The following TRAF3IP1 variants were observed in gnomAD, a reference collection of about 807,000 sequenced individuals.
The protein encoded by TRAF3IP1 is TRAF3-interacting protein 1.
TRAF3IP1 carries 53 observed loss-of-function variants against 89.9 expected under a neutral mutation model. The observed-to-expected ratio is 0.59, with a 90% CI of 0.47 to 0.74. TRAF3IP1 has a LOEUF of 0.74. Ranked by LOEUF, TRAF3IP1 falls within the 30% of genes least tolerant of loss-of-function variation. The pLI is 0.00. For synonymous variants in TRAF3IP1, 311 were observed against 322.1 expected, an observed-to-expected ratio of 0.97 and a Z score of 0.37; for missense variants, 806 against 866.1, an observed-to-expected ratio of 0.93 and a Z score of 0.87.
intron 8 of TRAF3IP1, among the ~76,000 whole-genome samples, chr2:238,343,079 A>G (rs539377439): frequency 1.4e-4 from 20 of 147,440 alleles, no homozygotes; most frequent in African/African-American, 4.9e-4. Flanking sequence ...CTAGCCCCTC[A>G]TCTGGGCCCC....
At chr2:238,381,141 A>ATTTTTTTTTTTTTTTTT in intron 15 of TRAF3IP1, among the ~76,000 whole-genome samples, 1 of 133,094 alleles carries the variant, frequency 7.5e-6, no homozygotes, top group Non-Finnish European at 1.6e-5. Flanking sequence ...TTATTTATTT[A>ATTTTTTTTTTTTTTTTT]TTTTTTTTTT....
intron 15 of TRAF3IP1, among the ~76,000 whole-genome samples, chr2:238,383,598 A>G (rs1448553086): frequency 6.6e-6 from 1 of 152,096 alleles, no homozygotes; most frequent in African/African-American, 2.4e-5. Flanking sequence ...ATTTTTTAGC[A>G]CCTCTCTAAC....
At chr2:238,385,324 C>G (rs558877000) in intron 15 of TRAF3IP1, among the ~76,000 whole-genome samples, 2 of 152,140 alleles carry the variant, frequency 1.3e-5, no homozygotes, top group African/African-American at 4.8e-5. Context: ...CCTGTAGCAT[C>G]GTTTAAGTGT....
At chr2:238,385,507 A>G (rs992827784) in intron 15 of TRAF3IP1, among the ~76,000 whole-genome samples, 2 of 152,236 alleles carry the variant, frequency 1.3e-5, no homozygotes, top group Non-Finnish European at 2.9e-5. Flanking sequence ...AGAGAGAGAA[A>G]ACACCTGTGT....
At chr2:238,347,858 C>T (rs977608995) in intron 10 of TRAF3IP1, among the ~76,000 whole-genome samples, 6 of 152,242 alleles carry the variant, frequency 3.9e-5, no homozygotes, top group South Asian at 2.1e-4. Flanking sequence ...AACTCCTGAC[C>T]TCAGGTGATC....
chr2:238,334,211 G>A (rs541597131), intron 7 of TRAF3IP1, among the ~76,000 whole-genome samples, 176 bp downstream of exon 7: 10 of 152,092 alleles, frequency 6.6e-5, no homozygotes, highest in South Asian at 2.1e-4. Flanking sequence ...ATACACATGC[G>A]TGTGTGCACA....
chr2:238,398,341 G>T (rs1205371465), intron 16 of TRAF3IP1, among the ~76,000 whole-genome samples: 2 of 146,700 alleles, frequency 1.4e-5, no homozygotes, highest in Non-Finnish European at 3.0e-5. Flanking sequence ...GGGTGGGGCA[G>T]GAGGGTAATG....
At chr2:238,359,600 C>T (rs575364274) in intron 15 of TRAF3IP1, among the ~76,000 whole-genome samples, 29 of 151,938 alleles carry the variant, frequency 1.9e-4, no homozygotes, top group African/African-American at 7.0e-4. Flanking sequence ...TATGGATATA[C>T]CACAGTGTGT....
intron 9 of TRAF3IP1, chr2:238,347,252 T>A: frequency 3.4e-6 from 2 of 585,092 alleles, no homozygotes; most frequent in South Asian, 4.2e-5. Context: ...CACAGTTTGT[T>A]TGCTCTTTGT....
chr2:238,381,102 G>A (rs1198041497), intron 15 of TRAF3IP1, among the ~76,000 whole-genome samples: 5 of 146,762 alleles, frequency 3.4e-5, no homozygotes, highest in South Asian at 4.4e-4. Context: ...ATTTGGGTAG[G>A]ATGCTTGGGT....
chr2:238,368,054 G>A (rs1157383459), intron 15 of TRAF3IP1, among the ~76,000 whole-genome samples: 3 of 150,588 alleles, frequency 2.0e-5, no homozygotes, highest in Non-Finnish European at 4.4e-5. Flanking sequence ...ATATTCACTT[G>A]TGCTTACTGT....
Position 238,338,395 on chromosome 2 carries a change from T to C in TRAF3IP1, c.1097T>C (p.Leu366Ser), listed in dbSNP as rs2106377234. The change falls in exon 8 of 17, where the codon TTA (leucine) becomes TCA (serine). Residue 366 changes from leucine to serine, a missense_variant. Coordinates refer to ENST00000373327, the MANE Select transcript of TRAF3IP1 (RefSeq NM_015650.4). ...RKEDNISAKS[L>S]DSIVSGINNE... ...GAGGATAATATTTCAGCTAAAAGTTTAGACTCCATAGTGTCTGGAATAAAT... is the reference window on the plus strand; with the variant it reads ...GAGGATAATATTTCAGCTAAAAGTTCAGACTCCATAGTGTCTGGAATAAAT... 1 of 1,598,466 alleles carries C rather than the reference T, an allele frequency of 6.3e-7. No individual in the cohort carries two copies. Among genetic ancestry groups the C allele is most frequent in the Non-Finnish European group, 8.5e-7 (1 of 1,173,322 alleles).
At chr2:238,350,173 G>A (rs1288521031) in intron 12 of TRAF3IP1, among the ~76,000 whole-genome samples, 3 of 152,178 alleles carry the variant, frequency 2.0e-5, no homozygotes, top group African/African-American at 7.2e-5. Flanking sequence ...GGCAGGAGTA[G>A]ATGTGTTTTT....
chr2:238,349,134 GGAAA>G (rs1446482705), intron 11 of TRAF3IP1, among the ~76,000 whole-genome samples, 187 bp from the exon 12 acceptor site: 1 of 152,120 alleles, frequency 6.6e-6, no homozygotes, highest in Admixed American at 6.5e-5. Context: ...AAATACAAGT[GGAAA>G]GATGGACACT....
chr2:238,347,425 A>G (rs1450821595), intron 9 of TRAF3IP1, 30 bp from the exon 10 acceptor site: 3 of 1,613,774 alleles, frequency 1.9e-6, no homozygotes, highest in African/African-American at 2.7e-5. Flanking sequence ...ACTACACGAA[A>G]GCTAATTTTC....
At chr2:238,327,595 A>C (rs986919531) in intron 3 of TRAF3IP1, among the ~76,000 whole-genome samples, 3 of 152,160 alleles carry the variant, frequency 2.0e-5, no homozygotes, top group Non-Finnish European at 4.4e-5. Context: ...AAAGTCCATA[A>C]AACATAAAAT....
intron 15 of TRAF3IP1, among the ~76,000 whole-genome samples, chr2:238,394,973 C>T (rs987679770): frequency 3.3e-5 from 5 of 152,160 alleles, no homozygotes; most frequent in African/African-American, 1.2e-4. Context: ...TTTGTTACAA[C>T]TGAGTGCATT....
Position 238,338,355 on chromosome 2 carries a change from A to T in TRAF3IP1, c.1064-7A>T. 1 of 1,499,280 alleles carries T rather than the reference A, an allele frequency of 6.7e-7. No homozygotes were observed. The allele number at this position is 1,499,280 out of a possible 1,614,324, so 92.9% of individuals were successfully genotyped here. ...ATTTTAATCTGTTGTTAACTATTTTATGTCAGGAAGGAAGGAGGATAATAT... is the reference window on the plus strand; with the variant it reads ...ATTTTAATCTGTTGTTAACTATTTTTTGTCAGGAAGGAAGGAGGATAATAT... On this transcript the variant is annotated splice_region_variant and splice_polypyrimidine_tract_variant and intron_variant, in intron 7 of 16. Coordinates refer to ENST00000373327, the MANE Select transcript of TRAF3IP1 (RefSeq NM_015650.4).
At chr2:238,325,481 A>G in intron 2 of TRAF3IP1, 107 bp downstream of exon 2, 1 of 1,165,624 alleles carries the variant, frequency 8.6e-7, no homozygotes, top group Non-Finnish European at 1.3e-6. Flanking sequence ...ATGTGGTTGG[A>G]ATACAAGGTC....
Sources: allele counts gnomAD v4.1 joint callset (sites outside exome capture counted in the v4.1 genomes callset), GRCh38; gene constraint gnomAD v4.1.1; transcripts MANE v1.5; gene names NCBI Gene and HGNC (gene_info 2026-07-23, HGNC 2026-07-21).